Variants in MCF2L2 observed in about 807,000 individuals in gnomAD.
The protein encoded by MCF2L2 is MCF.2 cell line derived transforming sequence-like 2.
In MCF2L2, 102 loss-of-function variants were observed where a neutral mutation model predicts 150.2. The ratio of observed to expected loss-of-function variants is 0.68; its 90% CI spans 0.58 to 0.80. The LOEUF is 0.80. MCF2L2 is among the 30% of genes least tolerant of loss of function. MCF2L2 has a pLI of 0.00. For synonymous variants in MCF2L2, 465 were observed against 491.3 expected (o/e 0.95, Z 0.71); for missense variants, 1,256 against 1,372.8 (o/e 0.91, Z 1.34).
rs1351882047 is a variant in MCF2L2 at position 183,178,078 on chromosome 3, G to T, written c.*1302C>A. ...CAGTGAGTGTTTAATAGTCAAATAAGTTACTGTAAAAATAAATAACTCAAA... is the reference window on the plus strand; with the variant it reads ...CAGTGAGTGTTTAATAGTCAAATAATTTACTGTAAAAATAAATAACTCAAA... On this transcript the variant is annotated 3_prime_UTR_variant, in exon 30 of 30. Coordinates refer to ENST00000328913, the MANE Select transcript of MCF2L2 (RefSeq NM_015078.4). 1 of 152,122 alleles carries T rather than the reference G, an allele frequency of 6.6e-6. No individual in the cohort carries two copies. Among genetic ancestry groups the T allele is most frequent in the Non-Finnish European group, 1.5e-5 (1 of 68,026 alleles). The allele number at this position is 152,122 out of a possible 1,614,324, so 9.4% of individuals were successfully genotyped here. A position where few individuals can be genotyped will look rare whatever the true frequency, so the allele number is the denominator to read the frequency against.
rs938674295 is a variant in MCF2L2 at position 183,197,217 on chromosome 3, T to C, written c.2885-1962A>G. Among the ~76,000 whole-genome samples, 4 of 152,312 alleles carry C rather than the reference T, an allele frequency of 2.6e-5. No homozygotes were observed. Among genetic ancestry groups the C allele is most frequent in the African/African-American group, 9.6e-5 (4 of 41,576 alleles). On this transcript the variant is annotated intron_variant, in intron 25 of 29. Transcript: ENST00000328913. The surrounding 1 kb of genome is among the most constrained non-coding windows in gnomAD (Gnocchi z 4.5). ...AAATTATAGGACTCTAACTACCTCATTTTAAGACTTATTAGAAAGCAGCAG... is the reference window on the plus strand; with the variant it reads ...AAATTATAGGACTCTAACTACCTCACTTTAAGACTTATTAGAAAGCAGCAG...
chr3:183,179,739 T>A lies in MCF2L2; in HGVS notation c.3106-47A>T, dbSNP rs770677078. On this transcript the variant is annotated intron_variant, in intron 28 of 29. Transcript: ENST00000328913. The surrounding 1 kb of genome is among the most constrained non-coding windows in gnomAD (Gnocchi z 4.2). Reference sequence around the variant, plus strand: ...CACCCTCAGAGTTATTGCTGGAGGCTGTGGCCAGACCGGGCAAGGTGGTGA... The same window carrying A: ...CACCCTCAGAGTTATTGCTGGAGGCAGTGGCCAGACCGGGCAAGGTGGTGA... The A allele has an allele frequency of 1.5e-5, 23 of 1,547,862 alleles. No individual in the cohort carries two copies. Among genetic ancestry groups the A allele is most frequent in the Non-Finnish European group, 2.0e-5 (22 of 1,123,316 alleles).
rs979760917 is a variant in MCF2L2, at chr3:183,297,278, G to A, written c.1306-111C>T. 3.2e-6 allele frequency: 3 copies of A among 947,714 alleles called. No individual in the cohort carries two copies. The Admixed American group carries it at 7.1e-5, about 23-fold the overall frequency. 58.7% of individuals were successfully genotyped at this position (947,714 alleles called of 1,614,324 possible). On this transcript the variant is annotated intron_variant, in intron 11 of 29. Coordinates refer to ENST00000328913, the MANE Select transcript of MCF2L2 (RefSeq NM_015078.4). ...GTGTCTACAAGGATTCCCAGACAATGGGAAATTGTCATGGGACGGCATCGA... is the reference window on the plus strand; with the variant it reads ...GTGTCTACAAGGATTCCCAGACAATAGGAAATTGTCATGGGACGGCATCGA...
chr3:183,333,637 C>T (rs16857333), intron 5 of MCF2L2, among the ~76,000 whole-genome samples: 39,468 of 151,878 alleles, frequency 0.26, 7,361 homozygotes, highest in African/African-American at 0.53. Context: ...TTGACTTTAC[C>T]CTCACTTAAA....
rs577409437 is a variant in MCF2L2 at position 183,191,533 on chromosome 3, C to A, written c.3016+1466G>T. Among the ~76,000 whole-genome samples the A allele has an allele frequency of 3.3e-5, 5 of 152,268 alleles. No individual in the cohort carries two copies. In the South Asian group the frequency reaches 6.2e-4, roughly 19 times the overall value. On this transcript the variant is annotated intron_variant, in intron 27 of 29. Transcript: ENST00000328913. Reference sequence around the variant, plus strand: ...GACTGCCATCAGTGGGAATATGTTTCTATTCGCCTTCCACCACCACCGGTT... The same window carrying A: ...GACTGCCATCAGTGGGAATATGTTTATATTCGCCTTCCACCACCACCGGTT...
At chr3:183,208,728 A>C (rs1163265379) in intron 22 of MCF2L2, among the ~76,000 whole-genome samples, 7 of 152,230 alleles carry the variant, frequency 4.6e-5, no homozygotes. Flanking sequence ...AAATCTCCCT[A>C]AGTGACCTCT....
intron 20 of MCF2L2, among the ~76,000 whole-genome samples, chr3:183,222,870 A>G (rs1454993074): frequency 6.6e-6 from 1 of 152,154 alleles, no homozygotes; most frequent in Non-Finnish European, 1.5e-5. Context: ...AGAGAGAGAG[A>G]AAACCACTTA....
At chr3:183,299,801 G>C in intron 11 of MCF2L2, 4 of 539,610 alleles carry the variant, frequency 7.4e-6, no homozygotes, top group Non-Finnish European at 9.6e-6. Flanking sequence ...GGATGTGGTG[G>C]GATGGCCAGA....
intron 1 of MCF2L2, among the ~76,000 whole-genome samples, chr3:183,402,364 G>C (rs74710379): frequency 0.26 from 38,916 of 149,122 alleles, 5,875 homozygotes; most frequent in Non-Finnish European, 0.36. Context: ...TGAGGCAGGA[G>C]AATGGCGTGA....
At chr3:183,266,775 G>C (rs1217591246) in intron 15 of MCF2L2, among the ~76,000 whole-genome samples, 1 of 151,832 alleles carries the variant, frequency 6.6e-6, no homozygotes, top group Admixed American at 6.6e-5. Context: ...CTGTTCCTTA[G>C]AGCAGTGTTT....
At chr3:183,398,828 T>A (rs1339751418) in intron 1 of MCF2L2, among the ~76,000 whole-genome samples, 1 of 152,182 alleles carries the variant, frequency 6.6e-6, no homozygotes, top group Admixed American at 6.5e-5. Context: ...ATACTCAACT[T>A]TCACTGTTGT....
At chr3:183,292,175 G>A (rs1560001774) in intron 13 of MCF2L2, among the ~76,000 whole-genome samples, 2 of 152,156 alleles carry the variant, frequency 1.3e-5, no homozygotes, top group South Asian at 2.1e-4. Flanking sequence ...AGGATACATG[G>A]TGGAAGACAA....
chr3:183,388,096 G>A (rs1258701448), intron 2 of MCF2L2, among the ~76,000 whole-genome samples: 1 of 151,930 alleles, frequency 6.6e-6, no homozygotes, highest in Non-Finnish European at 1.5e-5. Flanking sequence ...TTTCTATATT[G>A]CCTCTAAGTC....
At chr3:183,336,832 G>C (rs1171512007) in intron 5 of MCF2L2, among the ~76,000 whole-genome samples, 1 of 150,354 alleles carries the variant, frequency 6.7e-6, no homozygotes, top group African/African-American at 2.5e-5. Flanking sequence ...CTCCAGCCTG[G>C]GCAACAGAGT....
rs538234032 is a variant in MCF2L2 at position 183,217,537 on chromosome 3, G to A, written c.2371-1443C>T. Among the ~76,000 whole-genome samples the A allele has an allele frequency of 3.9e-5, 6 of 152,136 alleles. No individual in the cohort carries two copies. In the South Asian group the frequency reaches 1.2e-3, roughly 32 times the overall value. On this transcript the variant is annotated intron_variant, in intron 21 of 29. Coordinates refer to ENST00000328913, the MANE Select transcript of MCF2L2 (RefSeq NM_015078.4). ...AGTATCATATTCCTATATTTAATGT[G>A]GAAGCCTTATTCCTGTGGGAAAAAT... is the stretch of plus-strand genomic sequence containing the variant.
At chr3:183,324,190 C>T (rs1259039383) in intron 5 of MCF2L2, among the ~76,000 whole-genome samples, 1 of 152,214 alleles carries the variant, frequency 6.6e-6, no homozygotes, top group African/African-American at 2.4e-5. Context: ...CTTTAGCTTG[C>T]ACTGAGGGGA....
In MCF2L2 at chr3:183,311,002, T is replaced by C; in HGVS notation, c.906A>G (p.Glu302=). The stretch of plus-strand genomic sequence containing the variant: ...CAGACCAAAAGTGACTAAAGGCTTT[T>C]TCTGTTTCATCCAGTTGAACTAATA... ...ERLLVQLDET[E]KAFSHFWSEH... is the part of the protein sequence containing the mutation. Residue 302 remains glutamate (E), a synonymous_variant, in exon 9 of 30, where the codon GAA becomes GAG. Transcript: ENST00000328913. The C allele has an allele frequency of 6.2e-7, 1 of 1,613,268 alleles. No individual in the cohort carries two copies. The highest frequency in any genetic ancestry group is 1.1e-5 in the South Asian group (1 of 91,066).
chr3:183,370,103 C>G (rs1473805004), intron 3 of MCF2L2, among the ~76,000 whole-genome samples: 2 of 152,158 alleles, frequency 1.3e-5, no homozygotes, highest in Non-Finnish European at 2.9e-5. Flanking sequence ...TGGGCAGGTC[C>G]CCGGTGAAAC....
At chr3:183,335,737 G>A (rs1044614365) in intron 5 of MCF2L2, among the ~76,000 whole-genome samples, 1 of 152,074 alleles carries the variant, frequency 6.6e-6, no homozygotes, top group Non-Finnish European at 1.5e-5. Context: ...GCATGGTGGT[G>A]TGTGCCTGCA....
Sources: gnomAD v4.1 joint callset for allele counts (sites outside exome capture counted in the v4.1 genomes callset) on GRCh38, gnomAD v4.1.1 for gene constraint, Gnocchi (gnomAD v3.1) non-coding constraint, MANE v1.5 for transcripts, NCBI Gene and HGNC (gene_info 2026-07-23, HGNC 2026-07-21) for gene names.